Variants in BCAS3 observed in about 807,000 individuals in gnomAD.
The protein encoded by BCAS3 is BCAS4/BCAS3 fusion.
A neutral mutation model predicts 116.1 loss-of-function variants in BCAS3; 53 were observed. The ratio of observed to expected loss-of-function variants is 0.46; its 90% confidence interval spans 0.37 to 0.57. The LOEUF (loss-of-function observed/expected upper bound fraction) is 0.57. BCAS3 is among the 20% of genes least tolerant of loss of function. The pLI, the probability that BCAS3 is intolerant of heterozygous loss-of-function variation, is 0.00. For missense variants in BCAS3, 917 were observed against 1,165.4 expected (o/e 0.79, Z 3.10); for synonymous variants, 391 against 408.2 (o/e 0.96, Z 0.51).
In BCAS3 at chr17:60,830,761, T is replaced by C. The variant is rs527586296; in HGVS notation, c.476+22685T>C. 2.6e-5 allele frequency among the ~76,000 whole-genome samples: 4 copies of C among 152,042 alleles called. No individual in the cohort carries two copies. In the South Asian group the frequency reaches 8.3e-4, roughly 32 times the overall value. ...GTTTTGTTTTATGTCCATGAATAGA[T>C]TATTATTATCTTAAAAATAAATTTT... is the stretch of plus-strand genomic sequence containing the variant. On this transcript the variant is annotated intron_variant, in intron 7 of 23. Transcript: ENST00000407086.
At chr17:61,075,474 C>G (rs8068382) in intron 20 of BCAS3, among the ~76,000 whole-genome samples, 1 of 151,874 alleles carries the variant, frequency 6.6e-6, no homozygotes, top group South Asian at 2.1e-4. Flanking sequence ...ACCACCATGC[C>G]TGGCTAATTT....
intron 22 of BCAS3, among the ~76,000 whole-genome samples, chr17:61,298,671 G>T (rs1435336148): frequency 6.6e-6 from 1 of 152,072 alleles, no homozygotes; most frequent in Non-Finnish European, 1.5e-5. Context: ...GCCCCCAAAG[G>T]GGACGTCCCA....
chr17:61,237,634 G>A (rs1369489280), intron 22 of BCAS3, among the ~76,000 whole-genome samples: 1 of 152,158 alleles, frequency 6.6e-6, no homozygotes, highest in Non-Finnish European at 1.5e-5. Context: ...CCACTGGCAG[G>A]AACCAGCTCT....
Position 60,805,344 on chromosome 17 carries a change from T to C in BCAS3, c.404-2660T>C, listed in dbSNP as rs568828638. On this transcript the variant is annotated intron_variant, in intron 6 of 23. Transcript: ENST00000407086. ...TGGTTAACATTCCCTCACTTGTTTC[T>C]AAAAGATAAGGTATCTTAAAAATGT... 2.0e-5 allele frequency among the ~76,000 whole-genome samples: 3 copies of C among 152,314 alleles called. No homozygotes were observed. In the South Asian group the frequency reaches 6.2e-4, roughly 32 times the overall value.
chr17:60,860,815 T>C (rs986259978), intron 7 of BCAS3, among the ~76,000 whole-genome samples: 1 of 152,182 alleles, frequency 6.6e-6, no homozygotes, highest in Non-Finnish European at 1.5e-5. Context: ...TGTGGCTTTA[T>C]TTCTAGGTTC....
intron 17 of BCAS3, among the ~76,000 whole-genome samples, chr17:61,035,897 G>C (rs1028628942): frequency 6.6e-6 from 1 of 152,108 alleles, no homozygotes; most frequent in African/African-American, 2.4e-5. Flanking sequence ...ATTTTACCAC[G>C]CTATTCAGTC....
intron 14 of BCAS3, among the ~76,000 whole-genome samples, chr17:60,979,299 CTGTT>C (rs2062634955): frequency 1.4e-5 from 2 of 147,724 alleles, no homozygotes; most frequent in Non-Finnish European, 3.0e-5. Context: ...ATTTGGCTCT[CTGTT>C]TGTCTGTTGT....
intron 14 of BCAS3, among the ~76,000 whole-genome samples, chr17:60,976,979 G>T (rs934997115): frequency 6.6e-6 from 1 of 152,046 alleles, no homozygotes; most frequent in Non-Finnish European, 1.5e-5. Flanking sequence ...GGTGGTGGCC[G>T]GACAGAGGGG....
At chr17:60,998,206 C>T (rs1057162834) in intron 15 of BCAS3, among the ~76,000 whole-genome samples, 11 of 152,158 alleles carry the variant, frequency 7.2e-5, no homozygotes, top group African/African-American at 1.9e-4. Flanking sequence ...CATAGTATTC[C>T]GTCGTACATA....
rs998229379 is a variant in BCAS3, at chr17:61,390,337, G to C, written c.2594-1640G>C. On this transcript the variant is annotated intron_variant, in intron 23 of 23. Coordinates refer to ENST00000407086, the MANE Select transcript of BCAS3 (RefSeq NM_017679.5). This position sits in a 1 kb window ranked among gnomAD's most constrained non-coding sequence, Gnocchi z 6.8. ...TAGGGTGATACTGAAGGAGGAGCAG[G>C]AGAAAAAGATCCTATCTGCCTTGTT... The C allele has an allele frequency of 6.6e-6, 1 of 152,260 alleles. No homozygotes were observed. The highest frequency in any genetic ancestry group is 1.5e-5 in the Non-Finnish European group (1 of 68,094). 9.4% of individuals were successfully genotyped at this position (152,260 alleles called of 1,614,324 possible).
At chr17:60,999,546 C>CAAA (rs1021249439) in intron 15 of BCAS3, among the ~76,000 whole-genome samples, 1 of 62,902 alleles carries the variant, frequency 1.6e-5, no homozygotes, top group Non-Finnish European at 3.9e-5. Context: ...GACTGTGTCT[C>CAAA]AAAAAAAAAA....
intron 5 of BCAS3, among the ~76,000 whole-genome samples, chr17:60,726,995 CTA>C (rs777716844): frequency 3.3e-5 from 5 of 151,982 alleles, no homozygotes; most frequent in Non-Finnish European, 5.9e-5. Flanking sequence ...AAATTAAGGG[CTA>C]TATTTAACTA....
intron 6 of BCAS3, among the ~76,000 whole-genome samples, chr17:60,804,495 C>G (rs1008601082): frequency 2.0e-5 from 3 of 151,922 alleles, no homozygotes; most frequent in Non-Finnish European, 4.4e-5. Context: ...AGAACACACA[C>G]ACAAAAAACA....
intron 14 of BCAS3, among the ~76,000 whole-genome samples, chr17:60,969,191 T>A (rs2061823111): frequency 6.6e-6 from 1 of 152,192 alleles, no homozygotes; most frequent in Non-Finnish European, 1.5e-5. Flanking sequence ...ATATTTGTTT[T>A]TGGTTTTCTG....
intron 16 of BCAS3, among the ~76,000 whole-genome samples, chr17:61,025,505 C>T (rs1318746270): frequency 3.3e-5 from 5 of 152,018 alleles, no homozygotes; most frequent in Non-Finnish European, 5.9e-5. Context: ...ACAGATAACA[C>T]ATTCATTAAA....
Position 60,924,413 on chromosome 17 carries a change from G to T in BCAS3, c.1000G>T (p.Val334Leu). Reference sequence around the variant, plus strand: ...TCTTTATTTCTTTGTGAAGGTGCTTGTGAGTGAGGATTCTGACAGTGATGG... The same window carrying T: ...TCTTTATTTCTTTGTGAAGGTGCTTTTGAGTGAGGATTCTGACAGTGATGG... Reference protein sequence around the residue: ...TETVGEGQVLVSEDSDSDGIV... With the variant: ...TETVGEGQVLLSEDSDSDGIV... The change falls in exon 13 of 24, where the codon GTG becomes TTG. Residue 334 changes from valine (V) to leucine (L), a missense_variant. Transcript: ENST00000407086. The T allele has an allele frequency of 6.2e-7, 1 of 1,613,316 alleles. No individual in the cohort carries two copies. The highest frequency in any genetic ancestry group is 8.5e-7 in the Non-Finnish European group (1 of 1,179,576).
chr17:61,186,317 TC>T lies in BCAS3; in HGVS notation c.2425+101756del, dbSNP rs1386420556. On this transcript the variant is annotated intron_variant, in intron 22 of 23. Transcript: ENST00000407086. This position sits in a 1 kb window ranked among gnomAD's most constrained non-coding sequence, Gnocchi z 4.9. ...TGTCTTTATTACAGTTAGTTATCCA[TC>T]CCTATATCTTAGCTGTTTTCACTAG... Among the ~76,000 whole-genome samples, 1 of 152,206 alleles carries T rather than the reference TC, an allele frequency of 6.6e-6. No homozygotes were observed. Among genetic ancestry groups the T allele is most frequent in the African/African-American group, 2.4e-5 (1 of 41,458 alleles).
At chr17:60,757,990 TC>T (rs1391805436) in intron 6 of BCAS3, among the ~76,000 whole-genome samples, 2 of 152,172 alleles carry the variant, frequency 1.3e-5, no homozygotes, top group Admixed American at 6.5e-5. Context: ...ATATTGAATT[TC>T]CCCAGCACCA....
chr17:60,793,045 C>T (rs1174975772), intron 6 of BCAS3, among the ~76,000 whole-genome samples: 1 of 151,954 alleles, frequency 6.6e-6, no homozygotes, highest in Non-Finnish European at 1.5e-5. Context: ...CAAGGTTCAT[C>T]CATGTTGTAG....
Sources: allele counts gnomAD v4.1 joint callset (sites outside exome capture counted in the v4.1 genomes callset), GRCh38; gene constraint gnomAD v4.1.1; non-coding constraint Gnocchi (gnomAD v3.1); transcripts MANE v1.5; gene names NCBI Gene and HGNC (gene_info 2026-07-23, HGNC 2026-07-21).